Variants in ABL1 observed in about 807,000 individuals in gnomAD.
ABL1 encodes tyrosine-protein kinase ABL1.
ABL1 carries 11 observed loss-of-function variants against 94.7 expected under a neutral mutation model. The observed-to-expected ratio is 0.12, with a 90% CI of 0.07 to 0.19. The LOEUF (loss-of-function observed/expected upper bound fraction) is 0.19, where lower values mean the gene tolerates loss of function less well. ABL1 is among the 10% of genes least tolerant of loss of function. ABL1 has a pLI of 1.00. For synonymous variants in ABL1, 656 were observed against 622.4 expected, an observed-to-expected ratio of 1.05 and a Z score of -0.80; for missense variants, 1,082 against 1,489.4, an observed-to-expected ratio of 0.73 and a Z score of 4.50.
At position 130,883,974 on chromosome 9, in the gene ABL1, C is replaced by T. The variant is rs1588282763; in HGVS notation, c.1684C>T (p.Leu562=). The T allele has an allele frequency of 3.7e-6, 6 of 1,610,910 alleles. No homozygotes were observed. The highest frequency in any genetic ancestry group is 4.5e-5 in the East Asian group (2 of 44,866). ...CTCTTCCCCTTGCGTTTCAGATCCTCTGGACCATGAGCCTGCCGTGTCTCC... is the reference window on the plus strand; with the variant it reads ...CTCTTCCCCTTGCGTTTCAGATCCTTTGGACCATGAGCCTGCCGTGTCTCC... The part of the protein sequence containing the change: ...HSKGQGESDP[L]DHEPAVSPLL... Residue 562 remains leucine, a synonymous_variant, in exon 11 of 11, where the codon CTG becomes TTG. Transcript: ENST00000318560.
intron 1 of ABL1, among the ~76,000 whole-genome samples, chr9:130,723,719 T>C (rs1265256937): frequency 1.3e-5 from 2 of 152,218 alleles, no homozygotes; most frequent in African/African-American, 2.4e-5. Flanking sequence ...CATAATCATA[T>C]ACTTCCTAGT....
intron 7 of ABL1, 64 bp from the exon 8 acceptor site, chr9:130,878,351 T>G: frequency 1.3e-6 from 2 of 1,581,320 alleles, no homozygotes; most frequent in Non-Finnish European, 1.7e-6. Flanking sequence ...GTAACTGATT[T>G]TAAATGTAGT....
upstream of ABL1, among the ~76,000 whole-genome samples, chr9:130,831,733 C>T (rs1458227947): frequency 2.0e-5 from 3 of 152,018 alleles, no homozygotes; most frequent in African/African-American, 4.8e-5. Context: ...CTCAGCCTCT[C>T]GAGTAGCTGG....
intron 1 of ABL1, among the ~76,000 whole-genome samples, chr9:130,767,458 G>A (rs983011078): frequency 6.6e-6 from 1 of 152,110 alleles, no homozygotes; most frequent in Admixed American, 6.5e-5. Context: ...TCAGCCTCCC[G>A]AGTAGCTGGA....
intron 7 of ABL1, among the ~76,000 whole-genome samples, 197 bp downstream of exon 7, chr9:130,875,249 C>G (rs1396982182): frequency 2.0e-5 from 3 of 152,128 alleles, no homozygotes; most frequent in African/African-American, 7.2e-5. Flanking sequence ...TCAAGCGATT[C>G]TCCTGTCTCA....
At chr9:130,770,219 T>A (rs575178642) in intron 1 of ABL1, among the ~76,000 whole-genome samples, 1 of 152,006 alleles carries the variant, frequency 6.6e-6, no homozygotes, top group African/African-American at 2.4e-5. Context: ...TTATTAAGAT[T>A]TATAAGACTG....
chr9:130,878,330 C>T (rs1831387302), intron 7 of ABL1, 85 bp from the exon 8 acceptor site: 1 of 1,511,164 alleles, frequency 6.6e-7, no homozygotes, highest in Non-Finnish European at 9.1e-7. Context: ...CTTCTGAGGT[C>T]TGCTGCAAAG....
intron 1 of ABL1, among the ~76,000 whole-genome samples, chr9:130,722,766 A>G (rs933079878): frequency 6.6e-6 from 1 of 152,220 alleles, no homozygotes; most frequent in African/African-American, 2.4e-5. Flanking sequence ...AATTTGTAAT[A>G]TAGAAGAAAA....
At chr9:130,879,363 A>G (rs1193786857) in intron 8 of ABL1, among the ~76,000 whole-genome samples, 1 of 152,160 alleles carries the variant, frequency 6.6e-6, no homozygotes, top group African/African-American at 2.4e-5. Context: ...TTATTTATGT[A>G]TAGCTGCCCA....
At position 130,808,181 on chromosome 9, in the gene ABL1, G is replaced by A. The variant is rs567643686; in HGVS notation, c.137-45883G>A. 3.9e-4 allele frequency among the ~76,000 whole-genome samples: 59 copies of A among 149,416 alleles called. 1 individual carries two copies. In the South Asian group the frequency reaches 0.012, roughly 31 times the overall value. On this transcript the variant is annotated intron_variant, in intron 1 of 10. Transcript: ENST00000372348. ...TTAAATCAAATAAGCATGTTAACCCGGTATTGCTGTGACAACCTTTATCCT... is the reference window on the plus strand; with the variant it reads ...TTAAATCAAATAAGCATGTTAACCCAGTATTGCTGTGACAACCTTTATCCT...
intron 1 of ABL1, among the ~76,000 whole-genome samples, chr9:130,802,703 A>G (rs1470863145): frequency 3.3e-5 from 5 of 152,190 alleles, no homozygotes. Flanking sequence ...GTTGATCTGC[A>G]GGTTAGACTG....
intron 6 of ABL1, 139 bp from the exon 7 acceptor site, chr9:130,874,729 C>T (rs773324930): frequency 1.5e-5 from 13 of 866,426 alleles, no homozygotes; most frequent in Admixed American, 2.4e-5. Context: ...TGTTAATTGC[C>T]GTGGGCATTA....
Position 130,855,089 on chromosome 9 carries a change from A to C in ABL1, c.542A>C (p.Asp181Ala). Residue 181 changes from aspartate (D) to alanine (A), a missense_variant, in exon 3 of 11, where the codon GAT (aspartate) becomes GCT (alanine). Transcript: ENST00000318560. ...CATTACAGGATCAACACTGCTTCTG[A>C]TGGCAAGGTAGGGGACCCTTGGCAG... ...VYHYRINTAS[D>A]GKLYVSSESR... 6.2e-7 allele frequency: 1 copy of C among 1,613,046 alleles called. No homozygotes were observed. Among genetic ancestry groups the C allele is most frequent in the Non-Finnish European group, 8.5e-7 (1 of 1,179,178 alleles).
At chr9:130,820,695 A>G (rs1830348437) in intron 1 of ABL1, among the ~76,000 whole-genome samples, 1 of 152,232 alleles carries the variant, frequency 6.6e-6, no homozygotes. Flanking sequence ...CTGTGTTTGC[A>G]GCTTGGAACT....
At chr9:130,753,568 G>A (rs1831997241) in intron 1 of ABL1, among the ~76,000 whole-genome samples, 1 of 151,224 alleles carries the variant, frequency 6.6e-6, no homozygotes. Flanking sequence ...TGGGATTACA[G>A]GCATGTGCCA....
chr9:130,841,291 G>GC (rs768390031), intron 1 of ABL1, among the ~76,000 whole-genome samples: 3 of 151,684 alleles, frequency 2.0e-5, no homozygotes, highest in Non-Finnish European at 4.4e-5. Flanking sequence ...GGTACTACAG[G>GC]CGCCCGGGGG....
At chr9:130,818,675 G>A (rs1036630682) in intron 1 of ABL1, among the ~76,000 whole-genome samples, 4 of 152,044 alleles carry the variant, frequency 2.6e-5, no homozygotes, top group Admixed American at 6.5e-5. Flanking sequence ...GGTATTGCTC[G>A]AGAGTCATCA....
At position 130,771,672 on chromosome 9, in the gene ABL1, G is replaced by A. The variant is rs1047817419; in HGVS notation, c.136+57217G>A. Among the ~76,000 whole-genome samples, 6 of 151,656 alleles carry A rather than the reference G, an allele frequency of 4.0e-5. No homozygotes were observed. In the East Asian group the frequency reaches 1.2e-3, roughly 29 times the overall value. Reference sequence around the variant, plus strand: ...CCTAATGTGTTCTTAAGTCATACTGGGATAGCAGCAGTACCCAGCCTAAGA... The same window carrying A: ...CCTAATGTGTTCTTAAGTCATACTGAGATAGCAGCAGTACCCAGCCTAAGA... On this transcript the variant is annotated intron_variant, in intron 1 of 10. Coordinates refer to the ABL1 transcript ENST00000372348.
intron 3 of ABL1, among the ~76,000 whole-genome samples, chr9:130,861,283 G>A (rs773721747): frequency 3.3e-5 from 5 of 152,162 alleles, no homozygotes; most frequent in Admixed American, 3.3e-4. Context: ...CCAAAAGATT[G>A]TAACCCCAAA....
Sources: gnomAD v4.1 joint callset for allele counts (sites outside exome capture counted in the v4.1 genomes callset) on GRCh38, gnomAD v4.1.1 for gene constraint, MANE v1.5 for transcripts, NCBI Gene and HGNC (gene_info 2026-07-23, HGNC 2026-07-21) for gene names.